Variants in PDE4D observed in about 807,000 individuals in gnomAD.
The protein encoded by PDE4D is phosphodiesterase 4D.
Under a neutral mutation model 87.4 loss-of-function variants are expected in PDE4D, and 24 were observed. The ratio of observed to expected loss-of-function variants is 0.27; its 90% CI spans 0.20 to 0.39. The LOEUF (loss-of-function observed/expected upper bound fraction) is 0.39, where lower values mean the gene tolerates loss of function less well. PDE4D is among the 10% of genes least tolerant of loss of function. The probability of loss-of-function intolerance (pLI) is 1.00; values close to 1 mark genes in which losing one functional copy is unlikely to be tolerated. For synonymous variants in PDE4D, 384 were observed against 383.2 expected (o/e 1.00, Z -0.02); for missense variants, 714 against 1,041.0 (o/e 0.69, Z 4.32).
chr5:59,931,694 C>CTTTTTTTTTTTTT (rs35943138), intron 3 of PDE4D, among the ~76,000 whole-genome samples: 10 of 126,594 alleles, frequency 7.9e-5, no homozygotes, highest in Non-Finnish European at 9.5e-5. Context: ...TCTTCTTCTT[C>CTTTTTTTTTTTTT]TTTTTTTTTT....
intron 1 of PDE4D, among the ~76,000 whole-genome samples, chr5:59,326,322 T>A (rs1312466823): frequency 6.6e-6 from 1 of 152,158 alleles, no homozygotes; most frequent in African/African-American, 2.4e-5. Flanking sequence ...TTTGTACTTT[T>A]GTGTTACAAT....
intron 1 of PDE4D, among the ~76,000 whole-genome samples, chr5:59,453,041 A>C (rs1799401229): frequency 6.6e-6 from 1 of 151,562 alleles, no homozygotes; most frequent in Admixed American, 6.6e-5. Flanking sequence ...GCATGTGCTC[A>C]CTTCATGTCT....
chr5:59,576,442 A>G (rs1302547878), intron 1 of PDE4D, among the ~76,000 whole-genome samples: 1 of 151,748 alleles, frequency 6.6e-6, no homozygotes, highest in Admixed American at 6.5e-5. Flanking sequence ...ACATAGCACA[A>G]TAACATTATT....
At chr5:59,890,755 G>C (rs950605596) in intron 1 of PDE4D, among the ~76,000 whole-genome samples, 3 of 152,120 alleles carry the variant, frequency 2.0e-5, no homozygotes, top group South Asian at 4.2e-4. Flanking sequence ...CAAATTGCTC[G>C]CATCTTCTGG....
At chr5:59,407,200 C>T (rs572345315) in intron 1 of PDE4D, among the ~76,000 whole-genome samples, 56 of 152,262 alleles carry the variant, frequency 3.7e-4, no homozygotes, top group Non-Finnish European at 7.6e-4. Context: ...CATAAAATCT[C>T]TTTGTTTAAA....
intron 1 of PDE4D, among the ~76,000 whole-genome samples, chr5:59,254,609 C>G (rs1760599686): frequency 6.6e-6 from 1 of 151,986 alleles, no homozygotes. Flanking sequence ...AAATACATTT[C>G]TTCTTCTTCT....
At chr5:59,929,389 T>C (rs1443547106) in intron 3 of PDE4D, among the ~76,000 whole-genome samples, 1 of 152,144 alleles carries the variant, frequency 6.6e-6, no homozygotes, top group African/African-American at 2.4e-5. Context: ...AAAACCAATT[T>C]CTCTGCCTCT....
Position 60,213,974 on chromosome 5 carries a change from G to A in PDE4D, c.-89-28287C>T, listed in dbSNP as rs926511951. ...TTGAAATTAATTGAGGTCATGGGAAGTGAATTTTTCTTGGTTTCCCCTGAG... is the reference window on the plus strand; with the variant it reads ...TTGAAATTAATTGAGGTCATGGGAAATGAATTTTTCTTGGTTTCCCCTGAG... On this transcript the variant is annotated intron_variant, in intron 1 of 16. Transcript: ENST00000502484. Among the ~76,000 whole-genome samples, 3 of 152,294 alleles carry A rather than the reference G, an allele frequency of 2.0e-5. No homozygotes were observed. In the South Asian group the frequency reaches 6.2e-4, roughly 32 times the overall value.
intron 1 of PDE4D, among the ~76,000 whole-genome samples, chr5:60,310,146 T>C (rs1754874094): frequency 6.6e-6 from 1 of 152,178 alleles, no homozygotes; most frequent in Non-Finnish European, 1.5e-5. Context: ...GAGACCCTTT[T>C]CCTTCTTCAA....
At chr5:60,520,999 GT>G (rs1329900527) in intron 1 of PDE4D, 1 of 152,496 alleles carries the variant, frequency 6.6e-6, no homozygotes, top group Non-Finnish European at 1.5e-5. Flanking sequence ...CACTAATTCT[GT>G]TCCTTTTTCC....
At chr5:59,805,402 C>T (rs1767623951) in intron 1 of PDE4D, among the ~76,000 whole-genome samples, 1 of 152,186 alleles carries the variant, frequency 6.6e-6, no homozygotes, top group African/African-American at 2.4e-5. Context: ...GTGTAATCTA[C>T]AAAGTCCCCT....
chr5:59,730,783 C>A (rs1418696647), intron 1 of PDE4D, among the ~76,000 whole-genome samples: 1 of 152,074 alleles, frequency 6.6e-6, no homozygotes, highest in Non-Finnish European at 1.5e-5. Context: ...GTGTGACTAA[C>A]CCCAGACTAT....
intron 1 of PDE4D, among the ~76,000 whole-genome samples, chr5:59,737,841 C>T (rs1758292204): frequency 6.6e-6 from 1 of 152,044 alleles, no homozygotes; most frequent in Admixed American, 6.5e-5. Flanking sequence ...CATTCACATA[C>T]ATACTATATA....
chr5:59,467,776 A>G (rs961632434), intron 1 of PDE4D, among the ~76,000 whole-genome samples: 2 of 152,220 alleles, frequency 1.3e-5, no homozygotes, highest in African/African-American at 4.8e-5. Context: ...GAAGACATAA[A>G]ACATGAAATA....
Position 59,038,862 on chromosome 5 carries a change from G to C in PDE4D, c.918C>G (p.Asn306Lys). 1 of 1,555,956 alleles carries C rather than the reference G, an allele frequency of 6.4e-7. No individual in the cohort carries two copies. Among genetic ancestry groups the C allele is most frequent in the South Asian group, 1.2e-5 (1 of 82,298 alleles). ...TGACAGCAGAACCGGGGCTTACCTT[G>C]TTGGAGGCCATCTCACTGACGGAGT... ...TRHSVSEMAS[N>K]KFKRMLNREL... is the part of the protein sequence containing the mutation. Residue 306 changes from asparagine to lysine, a missense_variant, in exon 6 of 15, where the codon AAC becomes AAG. Around this residue, in one of 7 missense-constraint regions of PDE4D, gnomAD observed 90 missense variants for 177.6 expected, o/e 0.51. Transcript: ENST00000340635.
intron 2 of PDE4D, among the ~76,000 whole-genome samples, chr5:60,038,635 C>G (rs939350668): frequency 4.6e-5 from 7 of 152,000 alleles, no homozygotes; most frequent in Admixed American, 2.0e-4. Context: ...AAACTACCAT[C>G]AGAGTGAACA....
chr5:60,336,976 G>A (rs973132209), intron 1 of PDE4D, among the ~76,000 whole-genome samples: 1 of 151,988 alleles, frequency 6.6e-6, no homozygotes, highest in African/African-American at 2.4e-5. Context: ...TCTTCCTGGT[G>A]TATAAAACAT....
chr5:60,277,970 C>CT (rs1562281895), intron 1 of PDE4D, among the ~76,000 whole-genome samples: 1 of 152,104 alleles, frequency 6.6e-6, no homozygotes, highest in Non-Finnish European at 1.5e-5. Context: ...ATTTAGAAAA[C>CT]TCAGGAGAAG....
At chr5:60,164,998 C>T (rs1180119309) in intron 2 of PDE4D, among the ~76,000 whole-genome samples, 1 of 152,108 alleles carries the variant, frequency 6.6e-6, no homozygotes, top group Non-Finnish European at 1.5e-5. Flanking sequence ...ATTTATTCCT[C>T]CTATCTAAAA....
Sources: allele counts gnomAD v4.1 joint callset (sites outside exome capture counted in the v4.1 genomes callset), GRCh38; gene constraint gnomAD v4.1.1; regional missense constraint gnomAD v4.1.1; transcripts MANE v1.5; gene names NCBI Gene and HGNC (gene_info 2026-07-23, HGNC 2026-07-21).